VAX2: variants seen among roughly 807,000 people sequenced by gnomAD.
VAX2 encodes ventral anterior homeobox 2.
A neutral mutation model predicts 12.5 loss-of-function variants in VAX2; 8 were observed. That is an observed-to-expected ratio of 0.64 (90% CI 0.37 to 1.15). The LOEUF (loss-of-function observed/expected upper bound fraction) is 1.15, where lower values mean the gene tolerates loss of function less well. Ranked by LOEUF, VAX2 falls within the 50% of genes most tolerant of loss-of-function variation. VAX2 has a pLI of 0.01. For missense variants in VAX2, 476 were observed against 412.9 expected (o/e 1.15, Z -1.32); for synonymous variants, 183 against 187.6 (o/e 0.98, Z 0.20).
At chr2:70,920,267 A>G (rs1679423038) in intron 1 of VAX2, among the ~76,000 whole-genome samples, 1 of 152,222 alleles carries the variant, frequency 6.6e-6, no homozygotes, top group Non-Finnish European at 1.5e-5. Context: ...CCATCAGTAT[A>G]TGTGGGTCAC....
chr2:70,911,173 A>G (rs1679176906), intron 1 of VAX2, among the ~76,000 whole-genome samples: 1 of 152,152 alleles, frequency 6.6e-6, no homozygotes, highest in African/African-American at 2.4e-5. Flanking sequence ...ACACAAACAC[A>G]CACACAGAAA....
chr2:70,909,353 T>G (rs570158855), intron 1 of VAX2, among the ~76,000 whole-genome samples: 1 of 151,800 alleles, frequency 6.6e-6, no homozygotes, highest in Admixed American at 6.6e-5. Context: ...TTATTTATTT[T>G]CTTTAATTTT....
chr2:70,931,760 GCACTCC>G (rs1553414347), intron 2 of VAX2, among the ~76,000 whole-genome samples: 1 of 152,234 alleles, frequency 6.6e-6, no homozygotes, highest in East Asian at 1.9e-4. Context: ...ACATTATTCA[GCACTCC>G]AGGCCCAAGA....
At chr2:70,918,381 G>C (rs1224852214) in intron 1 of VAX2, among the ~76,000 whole-genome samples, 1 of 152,164 alleles carries the variant, frequency 6.6e-6, no homozygotes, top group African/African-American at 2.4e-5. Context: ...GGGGTGGGAC[G>C]CTTGGAGGGA....
rs190840299 is a variant in VAX2, at chr2:70,920,958, G to A, written c.248-140G>A. The A allele has an allele frequency of 4.0e-6, 4 of 1,009,532 alleles. No homozygotes were observed. In the East Asian group the frequency reaches 9.2e-5, roughly 23 times the overall value. 62.5% of individuals were successfully genotyped at this position (1,009,532 alleles called of 1,614,324 possible). On this transcript the variant is annotated intron_variant, in intron 1 of 2. Coordinates refer to ENST00000234392, the MANE Select transcript of VAX2 (RefSeq NM_012476.3). ...AGGAATCTGGGCCCAGAGAGGGTGA[G>A]CAACTTGTCACAGGTCATGCAACCA...
At chr2:70,932,598 C>A (rs1268089547) in intron 2 of VAX2, among the ~76,000 whole-genome samples, 169 bp from the exon 3 acceptor site, 3 of 151,502 alleles carry the variant, frequency 2.0e-5, no homozygotes, top group African/African-American at 7.3e-5. Context: ...GAGACCTTAA[C>A]AACAATCTGC....
intron 2 of VAX2, among the ~76,000 whole-genome samples, chr2:70,923,024 T>G (rs1679494216): frequency 6.6e-6 from 1 of 151,810 alleles, no homozygotes; most frequent in African/African-American, 2.4e-5. Context: ...AGATAGTGTG[T>G]GTGTGTGTGT....
intron 2 of VAX2, among the ~76,000 whole-genome samples, chr2:70,923,751 G>A (rs1679511238): frequency 6.6e-6 from 1 of 152,014 alleles, no homozygotes; most frequent in South Asian, 2.1e-4. Context: ...GAGGTGCGTG[G>A]AGCTCCCATG....
chr2:70,921,306 C>T (rs782581090), intron 2 of VAX2, 21 bp downstream of exon 2: 4 of 1,577,420 alleles, frequency 2.5e-6, no homozygotes, highest in Non-Finnish European at 2.6e-6. Context: ...AGGGCCAGGC[C>T]ACTCCACTCT....
intron 1 of VAX2, among the ~76,000 whole-genome samples, chr2:70,905,622 C>T (rs1200471255): frequency 6.6e-6 from 1 of 152,180 alleles, no homozygotes; most frequent in Non-Finnish European, 1.5e-5. Context: ...TTTCTGTTCC[C>T]CGCCTGGTCT....
chr2:70,929,104 A>T lies in VAX2; in HGVS notation c.436-3663A>T, dbSNP rs549830096. On this transcript the variant is annotated intron_variant, in intron 2 of 2. Transcript: ENST00000234392. ...TGAGACTCCTTCCCTCAGCAGTCAG[A>T]TTCCAGAGGTGACAAATGGGAAAGG... Among the ~76,000 whole-genome samples the T allele has an allele frequency of 6.6e-5, 10 of 152,340 alleles. No individual in the cohort carries two copies. The South Asian group carries it at 1.0e-3, about 16-fold the overall frequency.
At chr2:70,930,455 A>AT (rs1462594033) in intron 2 of VAX2, among the ~76,000 whole-genome samples, 2 of 152,158 alleles carry the variant, frequency 1.3e-5, no homozygotes, top group African/African-American at 4.8e-5. Flanking sequence ...CAGCCTCTGG[A>AT]GGGGATTGTG....
At position 70,904,066 on chromosome 2, in the gene VAX2, T is replaced by C. The variant is rs147358838; in HGVS notation, c.247+3198T>C. 2.2e-3 allele frequency among the ~76,000 whole-genome samples: 331 copies of C among 152,280 alleles called. No homozygotes were observed. The highest frequency in any genetic ancestry group is 7.6e-3 in the African/African-American group (315 of 41,548). On this transcript the variant is annotated intron_variant, in intron 1 of 2. Transcript: ENST00000234392. The surrounding 1 kb of genome is among the most constrained non-coding windows in gnomAD (Gnocchi z 4.2). ...GCACGGACCAGAGCTGCTGAGATGA[T>C]AGGCCGGGCGCATAACAGGCACCCC... is the stretch of plus-strand genomic sequence containing the variant.
intron 1 of VAX2, among the ~76,000 whole-genome samples, chr2:70,901,643 G>A (rs1228258455): frequency 6.6e-6 from 1 of 152,214 alleles, no homozygotes; most frequent in East Asian, 1.9e-4. Flanking sequence ...CGATTACCCA[G>A]CTCTTCCCGG....
chr2:70,920,332 T>C (rs1377893148), intron 1 of VAX2, among the ~76,000 whole-genome samples: 1 of 152,196 alleles, frequency 6.6e-6, no homozygotes, highest in Non-Finnish European at 1.5e-5. Flanking sequence ...TTATCAGGAA[T>C]GTGTGGGGAA....
chr2:70,916,126 A>G (rs1414278298), intron 1 of VAX2, among the ~76,000 whole-genome samples: 2 of 152,186 alleles, frequency 1.3e-5, no homozygotes, highest in African/African-American at 4.8e-5. Flanking sequence ...TGTTTTTTCT[A>G]CTAATGGATT....
At chr2:70,927,045 T>C in intron 2 of VAX2, among the ~76,000 whole-genome samples, 1 of 152,238 alleles carries the variant, frequency 6.6e-6, no homozygotes. Flanking sequence ...CTTACCGTGT[T>C]GTAACACTTA....
chr2:70,908,990 A>G (rs1413807406), intron 1 of VAX2, among the ~76,000 whole-genome samples: 2 of 152,080 alleles, frequency 1.3e-5, no homozygotes, highest in East Asian at 3.9e-4. Context: ...CTATTGATTC[A>G]TTTCCTTTGA....
chr2:70,920,143 G>A (rs782146896), intron 1 of VAX2, among the ~76,000 whole-genome samples: 2 of 152,168 alleles, frequency 1.3e-5, no homozygotes, highest in African/African-American at 2.4e-5. Flanking sequence ...GTTTAGCTTC[G>A]TTATCATGGA....
Sources: gnomAD v4.1 joint callset for allele counts (sites outside exome capture counted in the v4.1 genomes callset) on GRCh38, gnomAD v4.1.1 for gene constraint, Gnocchi (gnomAD v3.1) non-coding constraint, MANE v1.5 for transcripts, NCBI Gene and HGNC (gene_info 2026-07-23, HGNC 2026-07-21) for gene names.